CIT: variants seen among roughly 807,000 people sequenced by gnomAD.
CIT encodes the protein citron rho-interacting serine/threonine kinase, also known as citron Rho-interacting kinase.
A neutral mutation model predicts 272.7 loss-of-function variants in CIT; 79 were observed. The ratio of observed to expected loss-of-function variants is 0.29; its 90% CI spans 0.24 to 0.35. CIT has a LOEUF of 0.35. Among genes scored for constraint, CIT ranks in the 10% least tolerant of loss-of-function variants. The pLI is 1.00. For synonymous variants in CIT, 948 were observed against 995.6 expected (o/e 0.95, Z 0.90); for missense variants, 1,909 against 2,618.3 (o/e 0.73, Z 5.91).
chr12:119,779,703 C>A (rs775568159), intron 13 of CIT, among the ~76,000 whole-genome samples: 2 of 152,122 alleles, frequency 1.3e-5, no homozygotes, highest in African/African-American at 4.8e-5. Context: ...TTCCTTCCCC[C>A]CAACATCTCT....
At chr12:119,744,539 G>A (rs1959181032) in intron 23 of CIT, among the ~76,000 whole-genome samples, 1 of 151,768 alleles carries the variant, frequency 6.6e-6, no homozygotes, top group South Asian at 2.1e-4. Context: ...TGGCTAACAG[G>A]ATGGTCTCTA....
intron 7 of CIT, among the ~76,000 whole-genome samples, chr12:119,830,249 A>C (rs1359912300): frequency 2.0e-5 from 3 of 151,752 alleles, no homozygotes; most frequent in Non-Finnish European, 2.9e-5. Context: ...AGTGTGTGGT[A>C]TAGAGTGTCA....
In CIT at chr12:119,875,712, C is replaced by T. The variant is rs147382591; in HGVS notation, c.96+361G>A. Among the ~76,000 whole-genome samples, 296 of 152,208 alleles carry T rather than the reference C, an allele frequency of 1.9e-3. 2 individuals are homozygous for T. Among genetic ancestry groups the T allele is most frequent in the African/African-American group, 6.7e-3 (279 of 41,538 alleles). The stretch of plus-strand genomic sequence containing the variant: ...TCCTATAATAAAAGCAAGCTGGGCA[C>T]GGTTCATGCCTGTAATCCCAGCACT... On this transcript the variant is annotated intron_variant, in intron 2 of 47. Coordinates refer to ENST00000392521, the MANE Select transcript of CIT (RefSeq NM_001206999.2).
chr12:119,754,171 C>T (rs764467420), intron 22 of CIT, among the ~76,000 whole-genome samples: 18 of 152,150 alleles, frequency 1.2e-4, no homozygotes, highest in Non-Finnish European at 2.1e-4. Context: ...CTACTATTAC[C>T]TCCATTTTAC....
At chr12:119,732,665 C>A (rs569414835) in intron 26 of CIT, among the ~76,000 whole-genome samples, 5 of 152,174 alleles carry the variant, frequency 3.3e-5, no homozygotes, top group Non-Finnish European at 7.3e-5. Context: ...CTGAACTTTG[C>A]GTAATCCATC....
intron 20 of CIT, among the ~76,000 whole-genome samples, chr12:119,760,435 T>C (rs1443184326): frequency 6.6e-6 from 1 of 152,082 alleles, no homozygotes; most frequent in Non-Finnish European, 1.5e-5. Flanking sequence ...GAGACCAGCC[T>C]GGGCAACATA....
chr12:119,826,559 A>T (rs1446499109), intron 7 of CIT, among the ~76,000 whole-genome samples: 1 of 152,118 alleles, frequency 6.6e-6, no homozygotes, highest in Non-Finnish European at 1.5e-5. Context: ...GGTCTTCAAA[A>T]TTATTTTGAC....
chr12:119,849,933 G>A (rs551112465), intron 5 of CIT, among the ~76,000 whole-genome samples: 204 of 152,180 alleles, frequency 1.3e-3, no homozygotes, highest in African/African-American at 4.4e-3. Flanking sequence ...TGATCCACCC[G>A]CCTCGGCCTC....
chr12:119,852,455 T>G (rs1970284516), intron 4 of CIT, among the ~76,000 whole-genome samples: 1 of 152,170 alleles, frequency 6.6e-6, no homozygotes, highest in Non-Finnish European at 1.5e-5. Flanking sequence ...GGCTCACGCC[T>G]GAAATCCCAG....
At chr12:119,696,565 GCCC>G (rs1034652236) in intron 46 of CIT, among the ~76,000 whole-genome samples, 3 of 151,914 alleles carry the variant, frequency 2.0e-5, no homozygotes, top group African/African-American at 7.3e-5. Flanking sequence ...CTCACTCTGT[GCCC>G]AGGCTGGAGT....
chr12:119,795,043 CTA>C (rs1965618952), intron 10 of CIT, among the ~76,000 whole-genome samples: 2 of 152,170 alleles, frequency 1.3e-5, no homozygotes, highest in Admixed American at 1.3e-4. Context: ...AATGGGTATG[CTA>C]CAGTCAGTCC....
chr12:119,688,822 C>A (rs1565886247), intron 47 of CIT, among the ~76,000 whole-genome samples: 1 of 152,234 alleles, frequency 6.6e-6, no homozygotes, highest in Non-Finnish European at 1.5e-5. Flanking sequence ...AAGGCAACCA[C>A]TGTGAACACT....
At chr12:119,816,890 G>C (rs1000353725) in intron 9 of CIT, among the ~76,000 whole-genome samples, 1 of 152,164 alleles carries the variant, frequency 6.6e-6, no homozygotes, top group Non-Finnish European at 1.5e-5. Context: ...GGGTGCTACT[G>C]GTATCCATGG....
chr12:119,857,461 C>CACTCCG (rs1349930211), intron 4 of CIT, 62 bp downstream of exon 4: 2 of 1,532,152 alleles, frequency 1.3e-6, no homozygotes, highest in East Asian at 4.5e-5. Flanking sequence ...AGCAGATTAT[C>CACTCCG]GTCTTTGCAA....
At chr12:119,766,921 C>A (rs1962520253) in intron 19 of CIT, among the ~76,000 whole-genome samples, 166 bp downstream of exon 19, 1 of 150,546 alleles carries the variant, frequency 6.6e-6, no homozygotes, top group Non-Finnish European at 1.5e-5. Context: ...GATTTCCAAT[C>A]CTTCACATAA....
At position 119,876,190 on chromosome 12, in the gene CIT, A is replaced by G. The variant is rs372805435; in HGVS notation, c.-13-9T>C. The G allele has an allele frequency of 7.0e-6, 11 of 1,578,888 alleles. No individual in the cohort carries two copies. Among genetic ancestry groups the G allele is most frequent in the Admixed American group, 1.7e-5 (1 of 59,550 alleles). ...ACATCTCCCCACTGGCGCTGAAAGG[A>G]TATCAGAAAAGTCAAGTGTGTCCTA... is the stretch of plus-strand genomic sequence containing the variant. On this transcript the variant is annotated splice_polypyrimidine_tract_variant and intron_variant, in intron 1 of 47. Transcript: ENST00000392521.
At position 119,852,589 on chromosome 12, in the gene CIT, C is replaced by T. The variant is rs149143404; in HGVS notation, c.415-2314G>A. Among the ~76,000 whole-genome samples, 908 of 151,820 alleles carry T rather than the reference C, an allele frequency of 6.0e-3. 6 individuals carry two copies. The highest frequency in any genetic ancestry group is 0.01 in the Non-Finnish European group (680 of 67,942). On this transcript the variant is annotated intron_variant, in intron 4 of 47. Coordinates refer to ENST00000392521, the MANE Select transcript of CIT (RefSeq NM_001206999.2). ...AAAATTAGCTGGGCATGGTGGTGTG[C>T]TACTTGTGGAGCTGAGGCAGGAGAA...
intron 9 of CIT, among the ~76,000 whole-genome samples, chr12:119,806,132 C>T (rs1206942458): frequency 6.4e-5 from 5 of 77,900 alleles, no homozygotes; most frequent in Non-Finnish European, 9.3e-5. Flanking sequence ...AGCGAAACAC[C>T]ATCTCAAAAA....
Position 119,770,876 on chromosome 12 carries a change from C to G in CIT, c.2117G>C (p.Arg706Thr). ...RRHSLENKVK[R>T]LETMERRENR... ...TTCTCTACGCTCCATGGTCTCTAGT[C>G]TCTTTACCTTGTTCTCCAGAGAATG... The change falls in exon 18 of 48, where the codon AGA (arginine) becomes ACA (threonine). Residue 706 changes from arginine (R) to threonine (T), a missense_variant. Around this residue, in one of 8 missense-constraint regions of CIT, gnomAD observed 530 missense variants for 822.4 expected, o/e 0.64. Transcript: ENST00000392521. This position sits in a 1 kb window ranked among gnomAD's most constrained non-coding sequence, Gnocchi z 4.4. 6.2e-7 allele frequency: 1 copy of G among 1,612,820 alleles called. No individual in the cohort carries two copies. The highest frequency in any genetic ancestry group is 2.2e-5 in the East Asian group (1 of 44,876).
Sources: gnomAD v4.1 joint callset for allele counts (sites outside exome capture counted in the v4.1 genomes callset) on GRCh38, gnomAD v4.1.1 for gene constraint, gnomAD v4.1.1 regional missense constraint, Gnocchi (gnomAD v3.1) non-coding constraint, MANE v1.5 for transcripts, NCBI Gene and HGNC (gene_info 2026-07-23, HGNC 2026-07-21) for gene names.